NOL7: variants seen among roughly 807,000 people sequenced by gnomAD.
NOL7 encodes the protein U3 small nucleolar RNA-associated protein NOL7.
A neutral mutation model predicts 38.4 loss-of-function variants in NOL7; 36 were observed. That is an observed-to-expected ratio of 0.94 (90% CI 0.72 to 1.24). NOL7 has a LOEUF of 1.24. NOL7 is among the 50% of genes most tolerant of loss of function. NOL7 has a pLI of 0.00. For missense variants in NOL7, 350 were observed against 315.1 expected (o/e 1.11, Z -0.84); for synonymous variants, 142 against 126.5 (o/e 1.12, Z -0.82).
At chr6:13,622,528 T>TA, downstream of NOL7, 2 of 1,515,694 alleles carry the variant, frequency 1.3e-6, no homozygotes, top group African/African-American at 1.4e-5. Context: ...GAACAGCAAT[T>TA]AGCAAGACAT....
Position 13,620,684 on chromosome 6 carries a change from ATAGAG to A in NOL7, c.701-67_701-63del, listed in dbSNP as rs150214484. The stretch of plus-strand genomic sequence containing the variant: ...ACCCAGTTTTAGTAATTACATTCAT[ATAGAG>A]TAATTAAAAAAATTTTGAATTATGT... On this transcript the variant is annotated intron_variant, in intron 7 of 7. Transcript: ENST00000451315. 1.8e-4 allele frequency: 189 copies of A among 1,065,530 alleles called. 1 individual carries two copies. The African/African-American group carries it at 2.4e-3, about 14-fold the overall frequency. The allele number at this position is 1,065,530 out of a possible 1,614,324, so 66.0% of individuals were successfully genotyped here.
Position 13,620,962 on chromosome 6 carries a change from T to C in NOL7, c.*135T>C. 1.7e-6 allele frequency: 1 copy of C among 590,774 alleles called. No homozygotes were observed. Among genetic ancestry groups the C allele is most frequent in the South Asian group, 2.6e-5 (1 of 38,322 alleles). 36.6% of individuals were successfully genotyped at this position (590,774 alleles called of 1,614,324 possible). A position where few individuals can be genotyped will look rare whatever the true frequency, so the allele number is the denominator to read the frequency against. On this transcript the variant is annotated 3_prime_UTR_variant, in exon 8 of 8. Coordinates refer to ENST00000451315, the MANE Select transcript of NOL7 (RefSeq NM_016167.5). The stretch of plus-strand genomic sequence containing the variant: ...AGTGCTCAACCACATTTCATTCTTC[T>C]GGAGTAGAACTGTGCCTTGCAATCC...
Position 13,620,401 on chromosome 6 carries a change from T to A in NOL7, c.623-7T>A. On this transcript the variant is annotated splice_region_variant and splice_polypyrimidine_tract_variant and intron_variant, in intron 6 of 7. Transcript: ENST00000451315. Reference sequence around the variant, plus strand: ...ACTGTGAAATGATAAATACCTTTCTTTTCTAGTAAATAAGTTCCTGTCTCT... The same window carrying A: ...ACTGTGAAATGATAAATACCTTTCTATTCTAGTAAATAAGTTCCTGTCTCT... The A allele has an allele frequency of 6.2e-7, 1 of 1,614,100 alleles. No homozygotes were observed. The highest frequency in any genetic ancestry group is 8.5e-7 in the Non-Finnish European group (1 of 1,179,972).
At chr6:13,623,746 A>G (rs1175101575), downstream of NOL7, among the ~76,000 whole-genome samples, 2 of 152,230 alleles carry the variant, frequency 1.3e-5, no homozygotes, top group East Asian at 3.8e-4. Context: ...ATGCCCATCT[A>G]TAGCAGTTTA....
At chr6:13,629,122 T>C (rs955680370) in intron 8 of NOL7, among the ~76,000 whole-genome samples, 1 of 152,104 alleles carries the variant, frequency 6.6e-6, no homozygotes, top group Admixed American at 6.6e-5. Context: ...AGCCTTTTTG[T>C]TTTTTTGAGA....
At chr6:13,627,195 T>G (rs1764632282) in intron 8 of NOL7, among the ~76,000 whole-genome samples, 1 of 152,318 alleles carries the variant, frequency 6.6e-6, no homozygotes, top group Non-Finnish European at 1.5e-5. Context: ...AAGACCTGCT[T>G]CTTCCAGCAA....
chr6:13,630,604 A>T (rs1287462293), intron 8 of NOL7, among the ~76,000 whole-genome samples: 1 of 152,134 alleles, frequency 6.6e-6, no homozygotes, highest in Admixed American at 6.5e-5. Context: ...GGGTCCAAAA[A>T]CCTTTCAGGG....
At chr6:13,619,952 C>G (rs1233921512) in intron 5 of NOL7, among the ~76,000 whole-genome samples, 1 of 152,070 alleles carries the variant, frequency 6.6e-6, no homozygotes, top group African/African-American at 2.4e-5. Context: ...GTCAGGAGTT[C>G]GAGACCAGCC....
At chr6:13,620,155 AAAAG>A (rs1274380994) in intron 5 of NOL7, 49 bp from the exon 6 acceptor site, 161 of 1,566,830 alleles carry the variant, frequency 1.0e-4, no homozygotes, top group Middle Eastern at 1.7e-4. Context: ...GAAGAAAAAA[AAAAG>A]AAAGTAAGCA....
In NOL7 at chr6:13,620,758, C is replaced by A. The variant is rs999912409; in HGVS notation, c.705C>A (p.Ile235=). The A allele has an allele frequency of 1.3e-6, 2 of 1,588,588 alleles. No individual in the cohort carries two copies. Among genetic ancestry groups the A allele is most frequent in the East Asian group, 2.2e-5 (1 of 44,580 alleles). Residue 235 remains isoleucine, a synonymous_variant, in exon 8 of 8, where the codon ATC becomes ATA. Coordinates refer to ENST00000451315, the MANE Select transcript of NOL7 (RefSeq NM_016167.5). The part of the protein sequence containing the change: ...AVQFLNNAWG[I]QKKQNAKRFK... ...GCAGAAAACTTTATATTCTAGGAAT[C>A]CAAAAAAAACAAAATGCCAAGAGGT...
chr6:13,621,526 T>C lies in NOL7; in HGVS notation c.*699T>C, dbSNP rs989244272. Reference sequence around the variant, plus strand: ...GTAGAAGTAAATTTTTAATGGCTGGTTAATTATATCACTACATTTTATTGC... The same window carrying C: ...GTAGAAGTAAATTTTTAATGGCTGGCTAATTATATCACTACATTTTATTGC... On this transcript the variant is annotated 3_prime_UTR_variant, in exon 8 of 8. Coordinates refer to ENST00000451315, the MANE Select transcript of NOL7 (RefSeq NM_016167.5). 6.5e-6 allele frequency: 1 copy of C among 152,702 alleles called. No individual in the cohort carries two copies. The highest frequency in any genetic ancestry group is 1.5e-5 in the Non-Finnish European group (1 of 68,014). 9.5% of individuals were successfully genotyped at this position (152,702 alleles called of 1,614,324 possible). A position where few individuals can be genotyped will look rare whatever the true frequency, so the allele number is the denominator to read the frequency against.
At chr6:13,615,812 G>A in intron 2 of NOL7, 40 bp downstream of exon 2, 1 of 1,573,426 alleles carries the variant, frequency 6.4e-7, no homozygotes, top group Non-Finnish European at 8.6e-7. Flanking sequence ...AAAACAACTC[G>A]GCTCAGGGAG....
At chr6:13,618,199 T>C (rs897142843) in intron 5 of NOL7, 60 bp downstream of exon 5, 13 of 576,388 alleles carry the variant, frequency 2.3e-5, no homozygotes, top group Non-Finnish European at 3.6e-5. Flanking sequence ...GTTAAAGTAT[T>C]GGCTAACATG....
chr6:13,627,682 G>C (rs185491681), intron 8 of NOL7, among the ~76,000 whole-genome samples: 452 of 148,088 alleles, frequency 3.1e-3, no homozygotes, highest in African/African-American at 0.01. Flanking sequence ...ACTGAGCTTT[G>C]CTCAAGACTT....
At chr6:13,617,117 G>A (rs1301395585) in intron 3 of NOL7, among the ~76,000 whole-genome samples, 2 of 151,608 alleles carry the variant, frequency 1.3e-5, no homozygotes, top group Non-Finnish European at 2.9e-5. Context: ...CAAGTTTTCA[G>A]TAAAAAAACT....
intron 5 of NOL7, among the ~76,000 whole-genome samples, chr6:13,619,329 G>GT (rs1445137171): frequency 6.6e-6 from 1 of 152,212 alleles, no homozygotes; most frequent in Non-Finnish European, 1.5e-5. Context: ...GCCTATTGCT[G>GT]TTACTGGAAT....
At chr6:13,615,663 C>G (rs1374213639) in intron 1 of NOL7, 39 bp downstream of exon 1, 1 of 1,613,512 alleles carries the variant, frequency 6.2e-7, no homozygotes, top group African/African-American at 1.3e-5. Context: ...ACCGCCCTTT[C>G]TCGTCCCGCT....
chr6:13,627,731 A>G (rs544034561), intron 8 of NOL7, among the ~76,000 whole-genome samples: 3 of 152,242 alleles, frequency 2.0e-5, no homozygotes, highest in Non-Finnish European at 2.9e-5. Flanking sequence ...TACCATACCC[A>G]TAGTACAGAT....
chr6:13,625,053 GCTT>G (rs1007758444), downstream of NOL7, among the ~76,000 whole-genome samples: 7 of 152,178 alleles, frequency 4.6e-5, no homozygotes, highest in Non-Finnish European at 8.8e-5. Flanking sequence ...ATCAGTTTGA[GCTT>G]CTCTGATATT....
Sources: gnomAD v4.1 joint callset for allele counts (sites outside exome capture counted in the v4.1 genomes callset) on GRCh38, gnomAD v4.1.1 for gene constraint, MANE v1.5 for transcripts, NCBI Gene and HGNC (gene_info 2026-07-23, HGNC 2026-07-21) for gene names.